The following INTS13 variants were observed in gnomAD, a reference collection of about 807,000 sequenced individuals.
INTS13 encodes the protein asunder, spermatogenesis regulator homolog (Drosphila).
Under a neutral mutation model 90.2 loss-of-function variants are expected in INTS13, and 35 were observed. The ratio of observed to expected loss-of-function variants is 0.39; its 90% CI spans 0.30 to 0.51. INTS13 has a LOEUF of 0.51. INTS13 is among the 20% of genes least tolerant of loss of function. The probability of loss-of-function intolerance (pLI) is 0.80; values close to 1 mark genes in which losing one functional copy is unlikely to be tolerated. For missense variants in INTS13, 601 were observed against 851.2 expected, an observed-to-expected ratio of 0.71 and a Z score of 3.66; for synonymous variants, 309 against 277.1, an observed-to-expected ratio of 1.11 and a Z score of -1.14.
chr12:26,931,827 C>G (rs1030137249), intron 3 of INTS13, among the ~76,000 whole-genome samples: 1 of 152,194 alleles, frequency 6.6e-6, no homozygotes, highest in African/African-American at 2.4e-5. Context: ...TGGCTCACAC[C>G]TGTAATCCCA....
At chr12:26,932,936 GCTAA>G (rs1337707398) in intron 3 of INTS13, among the ~76,000 whole-genome samples, 4 of 152,132 alleles carry the variant, frequency 2.6e-5, no homozygotes, top group African/African-American at 9.7e-5. Context: ...AGACTGTCTA[GCTAA>G]CTATCAGCAG....
intron 2 of INTS13, among the ~76,000 whole-genome samples, chr12:26,935,761 G>A (rs947342647): frequency 2.0e-5 from 3 of 152,180 alleles, no homozygotes; most frequent in African/African-American, 7.2e-5. Flanking sequence ...ATATGTGAAT[G>A]TATAATATCA....
intron 16 of INTS13, 126 bp downstream of exon 16, chr12:26,906,176 T>C (rs1951602002): frequency 2.2e-6 from 2 of 909,094 alleles, no homozygotes; most frequent in East Asian, 2.6e-5. Flanking sequence ...TTTCTGCTTA[T>C]GGGGAACATG....
chr12:26,917,603 CCTTTTGATTTCGT>C, intron 9 of INTS13, 28 bp downstream of exon 9: 1 of 1,547,856 alleles, frequency 6.5e-7, no homozygotes, highest in Non-Finnish European at 8.9e-7. Flanking sequence ...ACCTTAAGAA[CCTTTTGATTTCGT>C]CTTTTTCAGT....
chr12:26,916,916 ATAAG>A (rs1443025358), intron 10 of INTS13, among the ~76,000 whole-genome samples: 9 of 152,338 alleles, frequency 5.9e-5, no homozygotes, highest in Non-Finnish European at 2.9e-5. Flanking sequence ...ATGTTCAAAT[ATAAG>A]TAAGTCCACC....
At chr12:26,911,828 G>T (rs921251992) in intron 14 of INTS13, among the ~76,000 whole-genome samples, 19 of 152,184 alleles carry the variant, frequency 1.2e-4, no homozygotes, top group Admixed American at 5.2e-4. Flanking sequence ...GAGTGTACTT[G>T]AAGCTCAGTG....
chr12:26,933,907 A>G (rs936688545), intron 3 of INTS13, among the ~76,000 whole-genome samples: 2 of 152,232 alleles, frequency 1.3e-5, no homozygotes, highest in African/African-American at 4.8e-5. Context: ...AAAAAGCTAT[A>G]TAAGGAACTA....
rs766953262 is a variant in INTS13, at chr12:26,928,305, T to C, written c.504-20A>G. 6.7e-5 allele frequency: 106 copies of C among 1,583,578 alleles called. 1 individual carries two copies. Among genetic ancestry groups the C allele is most frequent in the Middle Eastern group, 6.7e-4 (4 of 6,008 alleles). ...CTATCACTATGGCATAAAAAAGATA[T>C]AGCAAATTTAAAGGAATAAACAGTA... On this transcript the variant is annotated intron_variant, in intron 4 of 16. Coordinates refer to ENST00000261191, the MANE Select transcript of INTS13 (RefSeq NM_018164.3).
At chr12:26,921,864 C>G (rs1260988963) in intron 8 of INTS13, among the ~76,000 whole-genome samples, 1 of 152,196 alleles carries the variant, frequency 6.6e-6, no homozygotes, top group African/African-American at 2.4e-5. Flanking sequence ...CCATGTTGGC[C>G]ACGCTTGTCT....
chr12:26,913,536 T>C lies in INTS13; in HGVS notation c.1726A>G (p.Lys576Glu), dbSNP rs1951849942. Reference sequence around the variant, plus strand: ...GACTTGTCCTCTTTGTCTTCCCTCTTTCTTCCTCGTTTCTTTCGTTCTTCC... The same window carrying C: ...GACTTGTCCTCTTTGTCTTCCCTCTCTCTTCCTCGTTTCTTTCGTTCTTCC... Reference protein sequence around the residue: ...EEEERKKRGRKREDKEDKSEK... With the variant: ...EEEERKKRGREREDKEDKSEK... The change falls in exon 14 of 17, where the codon AAG becomes GAG. Residue 576 changes from lysine to glutamate, a missense_variant. Transcript: ENST00000261191. The C allele has an allele frequency of 6.2e-7, 1 of 1,614,016 alleles. No individual in the cohort carries two copies. The highest frequency in any genetic ancestry group is 1.1e-5 in the South Asian group (1 of 91,082).
chr12:26,917,831 A>C (rs1565824103), intron 8 of INTS13, 98 bp from the exon 9 acceptor site: 9 of 898,546 alleles, frequency 1.0e-5, no homozygotes, highest in Admixed American at 2.2e-5. Flanking sequence ...AATTTAAAAA[A>C]TAATAAAAGC....
chr12:26,917,804 A>C, intron 8 of INTS13, 71 bp from the exon 9 acceptor site: 2 of 715,164 alleles, frequency 2.8e-6, no homozygotes, highest in Non-Finnish European at 4.8e-6. Flanking sequence ...TCCCATAAAT[A>C]TGTACAATTA....
At chr12:26,918,519 A>G (rs574596933) in intron 8 of INTS13, among the ~76,000 whole-genome samples, 1 of 152,238 alleles carries the variant, frequency 6.6e-6, no homozygotes, top group Non-Finnish European at 1.5e-5. Context: ...GCAAGAATTT[A>G]AAAAATCTCA....
chr12:26,932,139 C>T (rs1216725321), intron 3 of INTS13, among the ~76,000 whole-genome samples: 1 of 149,856 alleles, frequency 6.7e-6, no homozygotes, highest in Non-Finnish European at 1.5e-5. Flanking sequence ...CATAAACCCA[C>T]AAGCGTGAAG....
chr12:26,925,713 A>C (rs753845973), intron 6 of INTS13, 48 bp downstream of exon 6: 1 of 1,391,426 alleles, frequency 7.2e-7, no homozygotes, highest in Admixed American at 1.8e-5. Context: ...CTCAGTATTT[A>C]TTATTATTAA....
At chr12:26,929,917 T>C (rs563008418) in intron 3 of INTS13, among the ~76,000 whole-genome samples, 47 of 152,252 alleles carry the variant, frequency 3.1e-4, no homozygotes, top group Non-Finnish European at 7.4e-5. Flanking sequence ...ATCCTGAATT[T>C]ACGAAATCCC....
intron 15 of INTS13, among the ~76,000 whole-genome samples, chr12:26,908,977 T>C (rs906849075): frequency 6.6e-6 from 1 of 152,128 alleles, no homozygotes; most frequent in Non-Finnish European, 1.5e-5. Flanking sequence ...AAACTTAAAA[T>C]TGAGATCACA....
Position 26,922,630 on chromosome 12 carries a change from T to G in INTS13, c.875A>C (p.Asp292Ala). Reference protein sequence around the residue: ...ELLHHKDAHVDFLKSGDSHLG... With the variant: ...ELLHHKDAHVAFLKSGDSHLG... Reference sequence around the variant, plus strand: ...ATGTCTCTTACCACTTTTCAGGAAATCTACATGTGCATCTTTGTGATGAAG... The same window carrying G: ...ATGTCTCTTACCACTTTTCAGGAAAGCTACATGTGCATCTTTGTGATGAAG... The change falls in exon 8 of 17, where the codon GAT becomes GCT. Residue 292 changes from aspartate (D) to alanine (A), a missense_variant. Around this residue, in one of 3 missense-constraint regions of INTS13, gnomAD observed 284 missense variants for 387.7 expected, o/e 0.73. Coordinates refer to ENST00000261191, the MANE Select transcript of INTS13 (RefSeq NM_018164.3). 2 of 1,580,538 alleles carry G rather than the reference T, an allele frequency of 1.3e-6. No individual in the cohort carries two copies. The highest frequency in any genetic ancestry group is 8.6e-7 in the Non-Finnish European group (1 of 1,162,802).
rs189470547 is a variant in INTS13 at position 26,934,581 on chromosome 12, G to A, written c.275C>T (p.Thr92Ile). 1 of 1,613,354 alleles carries A rather than the reference G, an allele frequency of 6.2e-7. No individual in the cohort carries two copies. The highest frequency in any genetic ancestry group is 2.2e-5 in the East Asian group (1 of 44,836). Residue 92 changes from threonine to isoleucine, a missense_variant, in exon 3 of 17, where the codon ACT (threonine) becomes ATT (isoleucine). By Grantham distance (89) the Thr-to-Ile change is moderately conservative. Transcript: ENST00000261191. ...CTCCTGTAAATTTTGGTCTTCTTGA[G>A]TCCAAGAATTTAAAACATGTGCTCC... is the stretch of plus-strand genomic sequence containing the variant. Reference protein sequence around the residue: ...DSGAHVLNSWTQEDQNLQELM... With the variant: ...DSGAHVLNSWIQEDQNLQELM...
Sources: allele counts gnomAD v4.1 joint callset (sites outside exome capture counted in the v4.1 genomes callset), GRCh38; gene constraint gnomAD v4.1.1; regional missense constraint gnomAD v4.1.1; transcripts MANE v1.5; gene names NCBI Gene and HGNC (gene_info 2026-07-23, HGNC 2026-07-21).